RFC1: variants seen among roughly 807,000 people sequenced by gnomAD.
RFC1 encodes the protein replication factor C subunit 1.
A neutral mutation model predicts 137.4 loss-of-function variants in RFC1; 37 were observed. That is an observed-to-expected ratio of 0.27 (90% CI 0.21 to 0.35). RFC1 has a LOEUF of 0.35. Ranked by LOEUF, RFC1 falls within the 10% of genes least tolerant of loss-of-function variation. The pLI is 1.00. For missense variants in RFC1, 1,205 were observed against 1,358.5 expected (o/e 0.89, Z 1.78); for synonymous variants, 429 against 455.7 (o/e 0.94, Z 0.75).
At chr4:39,325,802 A>G (rs1303762455) in intron 6 of RFC1, among the ~76,000 whole-genome samples, 1 of 152,184 alleles carries the variant, frequency 6.6e-6, no homozygotes, top group Non-Finnish European at 1.5e-5. Flanking sequence ...ACAAGCTGAC[A>G]TCTCTCACCT....
Position 39,294,480 on chromosome 4 carries a change from T to G in RFC1, c.2954+1134A>C, listed in dbSNP as rs150932476. On this transcript the variant is annotated intron_variant, in intron 22 of 24. Transcript: ENST00000349703. ...TGAGGTCAGGAGTTCGAGACCAGCC[T>G]GACCAATATGGTGAAACCGTCTCTA... Among the ~76,000 whole-genome samples, 521 of 139,700 alleles carry G rather than the reference T, an allele frequency of 3.7e-3. 2 individuals carry two copies. Among genetic ancestry groups the G allele is most frequent in the Non-Finnish European group, 5.9e-3 (391 of 65,782 alleles). 91.6% of individuals were successfully genotyped at this position (139,700 alleles called of 152,430 possible). A position where few individuals can be genotyped will look rare whatever the true frequency, so the allele number is the denominator to read the frequency against.
At chr4:39,317,856 T>C (rs1251380438) in intron 9 of RFC1, 1 of 152,168 alleles carries the variant, frequency 6.6e-6, no homozygotes, top group Admixed American at 6.6e-5. Context: ...AAATAGTAAC[T>C]TCTATACAAA....
At chr4:39,292,215 T>C in intron 22 of RFC1, 1 of 207,432 alleles carries the variant, frequency 4.8e-6, no homozygotes, top group Non-Finnish European at 9.8e-6. Flanking sequence ...TATAAGGCAA[T>C]GAAATTCCCT....
rs1741191067 is a variant in RFC1, at chr4:39,351,348, C to T, written c.132G>A (p.Lys44=). ...GCAAAATTATACCCAGAAAACTAAC[C>T]TTGATTTCCTTTATTCCTTTCTTTG... ...LKAKKGIKEI[K]VNSSRKEDDF... is the part of the protein sequence containing the mutation. The change falls in exon 2 of 25, where the codon AAG becomes AAA. Residue 44 remains lysine (K), a splice_region_variant and synonymous_variant. Coordinates refer to ENST00000349703, the MANE Select transcript of RFC1 (RefSeq NM_002913.5). 1.3e-6 allele frequency: 2 copies of T among 1,500,704 alleles called. No individual in the cohort carries two copies. Among genetic ancestry groups the T allele is most frequent in the African/African-American group, 2.9e-5 (2 of 68,024 alleles). The allele number at this position is 1,500,704 out of a possible 1,614,324, so 93.0% of individuals were successfully genotyped here. A position where few individuals can be genotyped will look rare whatever the true frequency, so the allele number is the denominator to read the frequency against.
At chr4:39,311,380 A>C (rs1260467198) in intron 12 of RFC1, 65 bp downstream of exon 12, 1 of 1,331,368 alleles carries the variant, frequency 7.5e-7, no homozygotes, top group Non-Finnish European at 1.1e-6. Flanking sequence ...TCCACCCAAG[A>C]CATATGTCTA....
rs1056090699 is a variant in RFC1 at position 39,339,761 on chromosome 4, A to T, written c.331+2584T>A. Among the ~76,000 whole-genome samples, 6 of 152,250 alleles carry T rather than the reference A, an allele frequency of 3.9e-5. 1 individual carries two copies. The highest frequency in any genetic ancestry group is 4.1e-4 in the South Asian group (2 of 4,822). On this transcript the variant is annotated intron_variant, in intron 4 of 24. Transcript: ENST00000349703. Reference sequence around the variant, plus strand: ...GTATTTCACATTTACAGCATTCTCAATTCAGGCTAAAAGCACATTTCAAGC... The same window carrying T: ...GTATTTCACATTTACAGCATTCTCATTTCAGGCTAAAAGCACATTTCAAGC...
intron 1 of RFC1, among the ~76,000 whole-genome samples, chr4:39,354,592 C>A (rs1273891447): frequency 2.0e-5 from 3 of 151,956 alleles, no homozygotes; most frequent in African/African-American, 7.3e-5. Flanking sequence ...GCAGATTTTA[C>A]TACACAAAAA....
chr4:39,308,511 G>C (rs1006872426), intron 13 of RFC1, 125 bp downstream of exon 13: 22 of 1,350,694 alleles, frequency 1.6e-5, no homozygotes, highest in Non-Finnish European at 2.0e-5. Context: ...CCTGGGTTCA[G>C]ATCAAGCTCT....
intron 1 of RFC1, among the ~76,000 whole-genome samples, chr4:39,364,378 G>A (rs547864363): frequency 6.6e-6 from 1 of 152,096 alleles, no homozygotes; most frequent in East Asian, 1.9e-4. Context: ...GAGACTGGAG[G>A]GCTAAATTAA....
At chr4:39,312,460 C>A (rs1172798072) in intron 11 of RFC1, among the ~76,000 whole-genome samples, 1 of 151,846 alleles carries the variant, frequency 6.6e-6, no homozygotes, top group Non-Finnish European at 1.5e-5. Flanking sequence ...AGGAATACTT[C>A]GGACTGGAAG....
In RFC1 at chr4:39,342,359, T is replaced by C. The variant is rs762078054; in HGVS notation, c.317A>G (p.Tyr106Cys). ...GKISRQDPVT[Y>C]ISETDEEDDF... is the part of the protein sequence containing the mutation. The stretch of plus-strand genomic sequence containing the variant: ...TGCAACCTTACCTGTTTCTGAAATG[T>C]ATGTAACAGGATCCTGCCGTGAAAT... Residue 106 changes from tyrosine to cysteine, a missense_variant, in exon 4 of 25, where the codon TAC becomes TGC. Physicochemically the swap from Tyr to Cys is radical, Grantham distance 194. Around this residue, in one of 3 missense-constraint regions of RFC1, gnomAD observed 962 missense variants for 1,035.3 expected, o/e 0.93. Transcript: ENST00000349703. The C allele has an allele frequency of 9.9e-6, 16 of 1,612,870 alleles. No individual in the cohort carries two copies. The Admixed American group carries it at 2.0e-4, about 20-fold the overall frequency.
At chr4:39,300,192 C>T (rs1322793052) in intron 20 of RFC1, 54 bp from the exon 21 acceptor site, 1 of 1,610,790 alleles carries the variant, frequency 6.2e-7, no homozygotes, top group Non-Finnish European at 8.5e-7. Context: ...CAGGTCCCTT[C>T]TTCACGGGTA....
At position 39,312,812 on chromosome 4, in the gene RFC1, G is replaced by A; in HGVS notation, c.1323C>T (p.Val441=). Residue 441 remains valine, a synonymous_variant, in exon 11 of 25, where the codon GTC becomes GTT. Coordinates refer to ENST00000349703, the MANE Select transcript of RFC1 (RefSeq NM_002913.5). The part of the protein sequence containing the change: ...ERYGGKVTGN[V]SKKTNYLVMG... The stretch of plus-strand genomic sequence containing the variant: ...TGACAAGATAATTTGTTTTCTTGCT[G>A]ACATTTCCTGTTACTTTTCCCCCAT... 6.2e-7 allele frequency: 1 copy of A among 1,614,034 alleles called. No homozygotes were observed. Among genetic ancestry groups the A allele is most frequent in the Non-Finnish European group, 8.5e-7 (1 of 1,180,002 alleles).
chr4:39,334,600 A>C (rs568908382), intron 4 of RFC1, among the ~76,000 whole-genome samples: 2 of 152,274 alleles, frequency 1.3e-5, no homozygotes, highest in East Asian at 3.9e-4. Flanking sequence ...AATAAGCTTA[A>C]ATTGGATTCC....
At chr4:39,349,899 G>A (rs749741975) in intron 2 of RFC1, among the ~76,000 whole-genome samples, 1 of 152,266 alleles carries the variant, frequency 6.6e-6, no homozygotes, top group East Asian at 1.9e-4. Flanking sequence ...AGCTACTTGG[G>A]AGGCTGAGGC....
Position 39,308,887 on chromosome 4 carries a change from T to C in RFC1, c.1634A>G (p.Glu545Gly). Reference sequence around the variant, plus strand: ...CAGGCTTTTCCAAAACACATCTGTTTCCTTTTTTATTGTCTTTGCCAAACT... The same window carrying C: ...CAGGCTTTTCCAAAACACATCTGTTCCCTTTTTTATTGTCTTTGCCAAACT... ...RDSLAKTIKKETDVFWKSLDF... is the reference protein window; with the variant it reads ...RDSLAKTIKKGTDVFWKSLDF... The change falls in exon 13 of 25, where the codon GAA becomes GGA. Residue 545 changes from glutamate (E) to glycine (G), a missense_variant. Coordinates refer to ENST00000349703, the MANE Select transcript of RFC1 (RefSeq NM_002913.5). The C allele has an allele frequency of 6.2e-7, 1 of 1,614,216 alleles. No individual in the cohort carries two copies. Among genetic ancestry groups the C allele is most frequent in the Non-Finnish European group, 8.5e-7 (1 of 1,180,044 alleles).
At chr4:39,357,656 G>A (rs529143750) in intron 1 of RFC1, among the ~76,000 whole-genome samples, 3 of 148,872 alleles carry the variant, frequency 2.0e-5, no homozygotes, top group Non-Finnish European at 4.4e-5. Context: ...TTGCACTGTC[G>A]CCCAGGCTGG....
chr4:39,335,366 C>G (rs1426498997), intron 4 of RFC1, among the ~76,000 whole-genome samples: 1 of 152,184 alleles, frequency 6.6e-6, no homozygotes, highest in Non-Finnish European at 1.5e-5. Flanking sequence ...TGTGGTAAAT[C>G]AGACATTCTA....
In RFC1 at chr4:39,289,919, C is replaced by A. The variant is rs1737575143; in HGVS notation, c.3289G>T (p.Glu1097Ter). The A allele has an allele frequency of 6.2e-7, 1 of 1,613,048 alleles. No homozygotes were observed. The highest frequency in any genetic ancestry group is 1.1e-5 in the South Asian group (1 of 91,058). ...GATTGAGAGTCATCTTCATTTAATT[C>A]TTCATTGTATTCCGAATCCAGGGAT... ...SPSLDSEYNE[E>*]LNEDDSQSDE... Residue 1097 changes from glutamate to a stop codon, truncating the protein, a stop_gained, in exon 24 of 25, where the codon GAA becomes TAA. Transcript: ENST00000349703. LOFTEE classifies it high-confidence loss of function.
Sources: gnomAD v4.1 joint callset for allele counts (sites outside exome capture counted in the v4.1 genomes callset) on GRCh38, gnomAD v4.1.1 for gene constraint, gnomAD v4.1.1 regional missense constraint, MANE v1.5 for transcripts, NCBI Gene and HGNC (gene_info 2026-07-23, HGNC 2026-07-21) for gene names.